Variants in PPP1R16B observed in about 807,000 individuals in gnomAD.
The protein encoded by PPP1R16B is protein phosphatase 1 regulatory inhibitor subunit 16B.
In PPP1R16B, 14 loss-of-function variants were observed where a neutral mutation model predicts 61.7. The observed-to-expected ratio is 0.23, with a 90% CI of 0.15 to 0.35. The LOEUF (loss-of-function observed/expected upper bound fraction) is 0.35. PPP1R16B is among the 10% of genes least tolerant of loss of function. The pLI, the probability that PPP1R16B is intolerant of heterozygous loss-of-function variation, is 1.00. For missense variants in PPP1R16B, 547 were observed against 752.5 expected, an observed-to-expected ratio of 0.73 and a Z score of 3.19; for synonymous variants, 266 against 305.3, an observed-to-expected ratio of 0.87 and a Z score of 1.34.
intron 2 of PPP1R16B, among the ~76,000 whole-genome samples, chr20:38,885,812 G>A (rs946567852): frequency 6.6e-5 from 10 of 152,132 alleles, no homozygotes; most frequent in African/African-American, 1.9e-4. Flanking sequence ...GTCTTGCTCC[G>A]TCGCCCAGGC....
chr20:38,839,276 T>C (rs1465463197), intron 2 of PPP1R16B, among the ~76,000 whole-genome samples: 1 of 152,196 alleles, frequency 6.6e-6, no homozygotes, highest in African/African-American at 2.4e-5. Context: ...CAAGAGGGTA[T>C]GGCAAGACTT....
chr20:38,841,077 A>G (rs1473639361), intron 2 of PPP1R16B, among the ~76,000 whole-genome samples: 1 of 152,144 alleles, frequency 6.6e-6, no homozygotes, highest in African/African-American at 2.4e-5. Context: ...TAATCTTCAC[A>G]GCAACTCTCT....
chr20:38,904,495 A>G (rs1356167354), intron 6 of PPP1R16B, among the ~76,000 whole-genome samples: 3 of 152,268 alleles, frequency 2.0e-5, no homozygotes, highest in African/African-American at 7.2e-5. Flanking sequence ...TTTACTAACA[A>G]TGCCACTATT....
chr20:38,902,564 C>A (rs1055265930), intron 5 of PPP1R16B, 104 bp from the exon 6 acceptor site: 1 of 1,490,074 alleles, frequency 6.7e-7, no homozygotes, highest in Non-Finnish European at 9.2e-7. Context: ...GCTTGACTGG[C>A]ATATCCTAGG....
rs2085450648 is a variant in PPP1R16B at position 38,907,195 on chromosome 20, G to C, written c.898+141G>C. 1.5e-6 allele frequency: 1 copy of C among 677,416 alleles called. No individual in the cohort carries two copies. Among genetic ancestry groups the C allele is most frequent in the Non-Finnish European group, 2.6e-6 (1 of 386,062 alleles). The allele number at this position is 677,416 out of a possible 1,614,324, so 42.0% of individuals were successfully genotyped here. On this transcript the variant is annotated intron_variant, in intron 8 of 10. Coordinates refer to ENST00000299824, the MANE Select transcript of PPP1R16B (RefSeq NM_015568.4). This position sits in a 1 kb window ranked among gnomAD's most constrained non-coding sequence, Gnocchi z 4.5. ...AGATAGATGGATTAATTAATGGATG[G>C]TAGATGAATGGACGGATGGACAGAT...
chr20:38,829,791 G>C (rs763821228), intron 1 of PPP1R16B, among the ~76,000 whole-genome samples: 3 of 152,208 alleles, frequency 2.0e-5, no homozygotes, highest in Non-Finnish European at 4.4e-5. Flanking sequence ...AGACCAAGCA[G>C]GGATTTCTCA....
intron 2 of PPP1R16B, among the ~76,000 whole-genome samples, chr20:38,846,580 A>G (rs2084936911): frequency 1.3e-5 from 2 of 152,244 alleles, no homozygotes; most frequent in Non-Finnish European, 2.9e-5. Context: ...AGAGATTTCT[A>G]ATGATGACCT....
intron 2 of PPP1R16B, among the ~76,000 whole-genome samples, chr20:38,847,634 T>C (rs6093098): frequency 0.74 from 111,974 of 152,134 alleles, 41,442 homozygotes; most frequent in African/African-American, 0.81. Context: ...TGGGATTACA[T>C]GCATGAGCCA....
intron 2 of PPP1R16B, among the ~76,000 whole-genome samples, chr20:38,883,820 A>T (rs2085221516): frequency 6.6e-6 from 1 of 152,236 alleles, no homozygotes; most frequent in South Asian, 2.1e-4. Context: ...AAATGCTAAC[A>T]GTAGCCAGGG....
Position 38,836,168 on chromosome 20 carries a change from C to A in PPP1R16B, c.243C>A (p.Ala81=), listed in dbSNP as rs1399331762. ...ALLEASLRND[A]EEVRYFLKNK... ...TGGAGGCCTCGCTGAGGAACGACGC[C>A]GAGGAAGGTAGGCCCCTCTGTGCCT... Residue 81 remains alanine (A), a synonymous_variant, in exon 2 of 11, where the codon GCC becomes GCA. Coordinates refer to ENST00000299824, the MANE Select transcript of PPP1R16B (RefSeq NM_015568.4). 2 of 1,609,420 alleles carry A rather than the reference C, an allele frequency of 1.2e-6. No homozygotes were observed. The highest frequency in any genetic ancestry group is 1.7e-5 in the Admixed American group (1 of 59,940).
chr20:38,825,347 A>G (rs904713529), intron 1 of PPP1R16B, among the ~76,000 whole-genome samples: 1 of 152,236 alleles, frequency 6.6e-6, no homozygotes, highest in Non-Finnish European at 1.5e-5. Context: ...AAAAACTGTA[A>G]AAGAGCCGCA....
intron 1 of PPP1R16B, among the ~76,000 whole-genome samples, chr20:38,828,217 C>G (rs747216209): frequency 2.6e-5 from 4 of 152,196 alleles, no homozygotes; most frequent in African/African-American, 4.8e-5. Flanking sequence ...AGCCTGGGCC[C>G]GCTTCTCCCA....
chr20:38,913,090 C>T (rs1422216051), intron 10 of PPP1R16B, among the ~76,000 whole-genome samples: 3 of 151,436 alleles, frequency 2.0e-5, no homozygotes, highest in Admixed American at 6.6e-5. Flanking sequence ...AGGCTGGTCT[C>T]GAACTCCTGA....
At chr20:38,853,312 C>G (rs944438266) in intron 2 of PPP1R16B, among the ~76,000 whole-genome samples, 18 of 152,204 alleles carry the variant, frequency 1.2e-4, no homozygotes, top group Admixed American at 8.5e-4. Context: ...TCCCACTGCC[C>G]TCATCCTTTG....
Position 38,868,201 on chromosome 20 carries a change from C to T in PPP1R16B, c.251-21394C>T, listed in dbSNP as rs562200844. ...GGTTTGCTCAGCACAGTGTACACGC[C>T]GGGCACAGTCCCTCTGAACAACTGC... On this transcript the variant is annotated intron_variant, in intron 2 of 10. Transcript: ENST00000299824. 3.9e-4 allele frequency among the ~76,000 whole-genome samples: 60 copies of T among 152,284 alleles called. No individual in the cohort carries two copies. In the Middle Eastern group the frequency reaches 0.01, roughly 26 times the overall value.
intron 1 of PPP1R16B, among the ~76,000 whole-genome samples, chr20:38,812,790 A>C (rs1244053766): frequency 6.6e-6 from 1 of 152,136 alleles, no homozygotes; most frequent in Non-Finnish European, 1.5e-5. Flanking sequence ...GAAGGAGAAG[A>C]CTGGCCCCAA....
chr20:38,896,422 A>C (rs2085350019), intron 4 of PPP1R16B, among the ~76,000 whole-genome samples: 3 of 138,096 alleles, frequency 2.2e-5, no homozygotes, highest in African/African-American at 5.6e-5. Flanking sequence ...CTCTGCTTCT[A>C]CCTCTCACCC....
At position 38,807,380 on chromosome 20, in the gene PPP1R16B, G is replaced by A. The variant is rs116215046; in HGVS notation, c.-102+1588G>A. Among the ~76,000 whole-genome samples the A allele has an allele frequency of 4.2e-3, 637 of 152,312 alleles. 8 individuals are homozygous for A. Among genetic ancestry groups the A allele is most frequent in the African/African-American group, 9.3e-3 (387 of 41,570 alleles). On this transcript the variant is annotated intron_variant, in intron 1 of 10. Transcript: ENST00000299824. ...AGGGAGAGGCTGGGTGCAGCAGAGCGGGAGGATGAACACTCCTTGGCCAAT... is the reference window on the plus strand; with the variant it reads ...AGGGAGAGGCTGGGTGCAGCAGAGCAGGAGGATGAACACTCCTTGGCCAAT...
intron 2 of PPP1R16B, among the ~76,000 whole-genome samples, chr20:38,854,845 A>G (rs1568663071): frequency 6.6e-6 from 1 of 152,188 alleles, no homozygotes; most frequent in Admixed American, 6.5e-5. Flanking sequence ...CAAGATTAAC[A>G]TCTCTTCCTT....
Sources: allele counts gnomAD v4.1 joint callset (sites outside exome capture counted in the v4.1 genomes callset), GRCh38; gene constraint gnomAD v4.1.1; non-coding constraint Gnocchi (gnomAD v3.1); transcripts MANE v1.5; gene names NCBI Gene and HGNC (gene_info 2026-07-23, HGNC 2026-07-21).